The following MYH15 variants were observed in gnomAD, a reference collection of about 807,000 sequenced individuals.
MYH15 encodes the protein myosin heavy chain 15.
Under a neutral mutation model 240.5 loss-of-function variants are expected in MYH15, and 227 were observed. The observed-to-expected ratio is 0.94, with a 90% CI of 0.85 to 1.05. The LOEUF (loss-of-function observed/expected upper bound fraction) is 1.05, where lower values mean the gene tolerates loss of function less well. Among genes scored for constraint, MYH15 ranks in the 50% least tolerant of loss-of-function variants. The pLI is 0.00. For synonymous variants in MYH15, 785 were observed against 796.7 expected (o/e 0.99, Z 0.25); for missense variants, 2,217 against 2,247.5 (o/e 0.99, Z 0.27).
At chr3:108,390,664 T>C (rs568506589) in intron 37 of MYH15, among the ~76,000 whole-genome samples, 3 of 152,338 alleles carry the variant, frequency 2.0e-5, no homozygotes, top group African/African-American at 4.8e-5. Context: ...CAAAACATTA[T>C]GTTTAAAAGT....
chr3:108,440,003 T>C, intron 23 of MYH15, 90 bp from the exon 24 acceptor site: 1 of 1,166,856 alleles, frequency 8.6e-7, no homozygotes, highest in Non-Finnish European at 1.2e-6. Context: ...CGTCCAAAAC[T>C]ACGCATGAGG....
chr3:108,381,693 G>A, intron 40 of MYH15, 134 bp from the exon 41 acceptor site: 1 of 978,376 alleles, frequency 1.0e-6, no homozygotes, highest in Non-Finnish European at 1.6e-6. Flanking sequence ...TTCAAAGGGA[G>A]GCAGGGAATT....
intron 25 of MYH15, among the ~76,000 whole-genome samples, chr3:108,437,116 ATTAAG>A (rs2082844832): frequency 6.6e-6 from 1 of 151,974 alleles, no homozygotes; most frequent in African/African-American, 2.4e-5. Context: ...CTATATAAAT[ATTAAG>A]TTATGTCTGG....
intron 26 of MYH15, among the ~76,000 whole-genome samples, chr3:108,430,235 T>C (rs1000837093): frequency 1.3e-5 from 2 of 152,246 alleles, no homozygotes; most frequent in Admixed American, 1.3e-4. Context: ...AAGATATTTA[T>C]TTAGCTTCAA....
intron 32 of MYH15, 134 bp downstream of exon 32, chr3:108,408,146 A>G: frequency 1.0e-6 from 1 of 1,002,472 alleles, no homozygotes; most frequent in Non-Finnish European, 1.4e-6. Context: ...AAAATTATGC[A>G]TTTGGCAGAG....
intron 6 of MYH15, among the ~76,000 whole-genome samples, chr3:108,496,502 T>C (rs1316927676): frequency 6.6e-6 from 1 of 152,220 alleles, no homozygotes; most frequent in African/African-American, 2.4e-5. Context: ...GGGGTAATTA[T>C]GTAGTATATG....
rs193239592 is a variant in MYH15, at chr3:108,469,080, G to A, written c.1554+962C>T. Among the ~76,000 whole-genome samples the A allele has an allele frequency of 7.2e-5, 11 of 152,168 alleles. No individual in the cohort carries two copies. In the East Asian group the frequency reaches 1.7e-3, roughly 24 times the overall value. ...TTGTTATAAAATAAATAAAATCAAC[G>A]GGATATCTACTCCTGTTGGAAATAA... is the stretch of plus-strand genomic sequence containing the variant. On this transcript the variant is annotated intron_variant, in intron 14 of 40. Coordinates refer to ENST00000693548, the MANE Select transcript of MYH15 (RefSeq NM_014981.3).
At chr3:108,508,138 A>G (rs1004825775) in intron 1 of MYH15, among the ~76,000 whole-genome samples, 1 of 152,158 alleles carries the variant, frequency 6.6e-6, no homozygotes, top group Non-Finnish European at 1.5e-5. Flanking sequence ...GTGCTCCTGC[A>G]TTACAGCCTG....
At chr3:108,423,072 G>T (rs1560346033) in intron 27 of MYH15, among the ~76,000 whole-genome samples, 1 of 152,148 alleles carries the variant, frequency 6.6e-6, no homozygotes, top group Non-Finnish European at 1.5e-5. Context: ...TAGGTGAAAA[G>T]GAAGAAAAGG....
In MYH15 at chr3:108,410,625, C is replaced by T. The variant is rs200554722; in HGVS notation, c.4453G>A (p.Val1485Met). ...TCCCTCCTGAGTGTCTCCTGGCCCA[C>T]GATGCTCTCCTCATAGGTGTTCTTG... ...KLKNTYEESI[V>M]GQETLRRENK... The change falls in exon 31 of 41, where the codon GTG becomes ATG. Residue 1485 changes from valine to methionine, a missense_variant. Coordinates refer to ENST00000693548, the MANE Select transcript of MYH15 (RefSeq NM_014981.3). The T allele has an allele frequency of 1.3e-4, 214 of 1,606,630 alleles. No homozygotes were observed. The East Asian group carries it at 1.4e-3, about 10-fold the overall frequency.
At chr3:108,516,918 C>G (rs1241037156) in intron 1 of MYH15, among the ~76,000 whole-genome samples, 1 of 152,180 alleles carries the variant, frequency 6.6e-6, no homozygotes, top group Non-Finnish European at 1.5e-5. Flanking sequence ...CTCCTAGATT[C>G]TGCTCCCCGC....
At chr3:108,534,920 GTTTC>G in the MYH15 span, among the ~76,000 whole-genome samples, 1 of 151,900 alleles carries the variant, frequency 6.6e-6, no homozygotes, top group Admixed American at 6.6e-5. Flanking sequence ...AAACTTCACT[GTTTC>G]TTTCTGAGAA....
chr3:108,531,541 T>C (rs913418865), upstream of MYH15, among the ~76,000 whole-genome samples: 1 of 152,024 alleles, frequency 6.6e-6, no homozygotes, highest in Non-Finnish European at 1.5e-5. Context: ...TAAAATATTA[T>C]AAAAGTAAAG....
At chr3:108,521,313 T>A (rs1488189117) in intron 1 of MYH15, among the ~76,000 whole-genome samples, 1 of 152,094 alleles carries the variant, frequency 6.6e-6, no homozygotes, top group African/African-American at 2.4e-5. Flanking sequence ...TTAGGACTTA[T>A]AAGCTTTTTA....
upstream of MYH15, among the ~76,000 whole-genome samples, chr3:108,510,845 A>C (rs984364286): frequency 1.3e-5 from 2 of 152,166 alleles, no homozygotes; most frequent in African/African-American, 4.8e-5. Context: ...GGCCCATGAA[A>C]ATGTTTAATT....
intron 9 of MYH15, 48 bp from the exon 10 acceptor site, chr3:108,486,574 G>A (rs1299461208): frequency 7.7e-7 from 1 of 1,301,482 alleles, no homozygotes; most frequent in Non-Finnish European, 1.1e-6. Context: ...AATCTGCAAG[G>A]CCTTAGAAAA....
intron 28 of MYH15, among the ~76,000 whole-genome samples, chr3:108,420,004 A>C (rs563166613): frequency 2.1e-4 from 32 of 152,328 alleles, no homozygotes; most frequent in Admixed American, 5.2e-4. Context: ...GGTTAGGTTT[A>C]GTCAATCTCA....
rs190827403 is a variant in MYH15, at chr3:108,477,782, T to A, written c.1115-1267A>T. ...ATAATACTTACACCCCACAAAATTGTTTTATGAAACAAAGCTTCCATTTCC... is the reference window on the plus strand; with the variant it reads ...ATAATACTTACACCCCACAAAATTGATTTATGAAACAAAGCTTCCATTTCC... On this transcript the variant is annotated intron_variant, in intron 11 of 40. Coordinates refer to ENST00000693548, the MANE Select transcript of MYH15 (RefSeq NM_014981.3). 2.4e-4 allele frequency among the ~76,000 whole-genome samples: 37 copies of A among 152,296 alleles called. No homozygotes were observed. In the East Asian group the frequency reaches 6.9e-3, roughly 29 times the overall value.
At chr3:108,431,739 G>A (rs1377519599) in intron 25 of MYH15, among the ~76,000 whole-genome samples, 1 of 152,132 alleles carries the variant, frequency 6.6e-6, no homozygotes, top group Non-Finnish European at 1.5e-5. Flanking sequence ...CAGTTTGGAG[G>A]GCTCAGAAGA....
Sources: allele counts gnomAD v4.1 joint callset (sites outside exome capture counted in the v4.1 genomes callset), GRCh38; gene constraint gnomAD v4.1.1; transcripts MANE v1.5; gene names NCBI Gene and HGNC (gene_info 2026-07-23, HGNC 2026-07-21).